Variants in CSMD1 observed in about 807,000 individuals in gnomAD.
CSMD1 encodes the protein CUB and Sushi multiple domains 1.
A neutral mutation model predicts 417.5 loss-of-function variants in CSMD1; 213 were observed. The ratio of observed to expected loss-of-function variants is 0.51; its 90% CI spans 0.46 to 0.57. The LOEUF (loss-of-function observed/expected upper bound fraction) is 0.57. Ranked by LOEUF, CSMD1 falls within the 20% of genes least tolerant of loss-of-function variation. The pLI, the probability that CSMD1 is intolerant of heterozygous loss-of-function variation, is 0.00. For missense variants in CSMD1, 6,923 were observed against 4,529.7 expected, an observed-to-expected ratio of 1.53 and a Z score of -15.17; for synonymous variants, 2,862 against 1,736.8, an observed-to-expected ratio of 1.65 and a Z score of -16.11.
chr8:4,633,149 G>C (rs1802623732), intron 2 of CSMD1, among the ~76,000 whole-genome samples: 1 of 152,180 alleles, frequency 6.6e-6, no homozygotes, highest in Non-Finnish European at 1.5e-5. Context: ...GAACGCTCAG[G>C]ACAGCCTGTG....
chr8:4,242,367 C>T (rs923314449), intron 3 of CSMD1, among the ~76,000 whole-genome samples: 8 of 152,000 alleles, frequency 5.3e-5, no homozygotes, highest in Non-Finnish European at 1.0e-4. Flanking sequence ...AATCAAAGAG[C>T]TGTAAATGAG....
chr8:3,625,752 T>G (rs1286349335), intron 7 of CSMD1, among the ~76,000 whole-genome samples: 1 of 152,294 alleles, frequency 6.6e-6, no homozygotes, highest in South Asian at 2.1e-4. Flanking sequence ...AGAGATCCTA[T>G]GATCTCAGTA....
intron 7 of CSMD1, among the ~76,000 whole-genome samples, chr8:3,658,834 T>A (rs1360521578): frequency 6.6e-6 from 1 of 152,202 alleles, no homozygotes; most frequent in Admixed American, 6.5e-5. Context: ...TGAATTATGG[T>A]TAATAACATT....
intron 1 of CSMD1, among the ~76,000 whole-genome samples, chr8:4,639,251 A>ATTTTT (rs34704649): frequency 4.6e-5 from 6 of 131,446 alleles, no homozygotes; most frequent in Non-Finnish European, 7.9e-5. Context: ...GTGGTTGTCA[A>ATTTTT]TTTTTTTTTT....
intron 5 of CSMD1, among the ~76,000 whole-genome samples, chr8:3,892,891 G>C (rs1289062867): frequency 6.6e-6 from 1 of 151,858 alleles, no homozygotes; most frequent in South Asian, 2.1e-4. Context: ...AGGATGGCAA[G>C]CGTTGATGTG....
At chr8:3,282,669 A>C (rs1238801381) in intron 26 of CSMD1, among the ~76,000 whole-genome samples, 1 of 152,194 alleles carries the variant, frequency 6.6e-6, no homozygotes, top group Non-Finnish European at 1.5e-5. Context: ...ACCATGTACA[A>C]GTACTATTCC....
At chr8:3,384,815 A>C (rs1815990721) in intron 18 of CSMD1, among the ~76,000 whole-genome samples, 1 of 123,440 alleles carries the variant, frequency 8.1e-6, no homozygotes, top group African/African-American at 3.1e-5. Context: ...ATATATAAAT[A>C]TATAATTAAA....
rs1030871053 is a variant in CSMD1 at position 3,519,865 on chromosome 8, T to C, written c.1345-26139A>G. 2.6e-5 allele frequency among the ~76,000 whole-genome samples: 4 copies of C among 152,086 alleles called. 1 individual carries two copies. Among genetic ancestry groups the C allele is most frequent in the South Asian group, 4.1e-4 (2 of 4,828 alleles). On this transcript the variant is annotated intron_variant, in intron 10 of 69. Transcript: ENST00000635120. ...CCATCCCATCAACCTCCCACTAAAATAGCAATTATTTTACTCAATTAATAC... is the reference window on the plus strand; with the variant it reads ...CCATCCCATCAACCTCCCACTAAAACAGCAATTATTTTACTCAATTAATAC...
chr8:4,302,765 G>C (rs1798045753), intron 3 of CSMD1, among the ~76,000 whole-genome samples: 1 of 152,144 alleles, frequency 6.6e-6, no homozygotes, highest in African/African-American at 2.4e-5. Flanking sequence ...CCCCAACTGA[G>C]TCCAGGTAGA....
rs148751958 is a variant in CSMD1 at position 3,640,948 on chromosome 8, C to T, written c.1010-24151G>A. ...TTTATTTGTGAGGGAAAGCAAAAGG[C>T]GACAAAATCGTATGTTAAATAAGCT... is the stretch of plus-strand genomic sequence containing the variant. On this transcript the variant is annotated intron_variant, in intron 7 of 69. Coordinates refer to ENST00000635120, the MANE Select transcript of CSMD1 (RefSeq NM_033225.6). Among the ~76,000 whole-genome samples, 12 of 150,142 alleles carry T rather than the reference C, an allele frequency of 8.0e-5. No homozygotes were observed. The East Asian group carries it at 1.4e-3, about 17-fold the overall frequency.
intron 23 of CSMD1, among the ~76,000 whole-genome samples, chr8:3,336,118 G>A (rs77673786): frequency 0.028 from 4,207 of 152,068 alleles, 198 homozygotes; most frequent in African/African-American, 0.096. Flanking sequence ...GGAACCATGG[G>A]CAGGTTTCTC....
chr8:4,599,934 G>A (rs924355802), intron 2 of CSMD1, among the ~76,000 whole-genome samples: 5 of 152,176 alleles, frequency 3.3e-5, no homozygotes, highest in Non-Finnish European at 5.9e-5. Context: ...ACCCAGGTAT[G>A]CATGGATCTG....
intron 5 of CSMD1, among the ~76,000 whole-genome samples, chr8:3,787,260 G>C (rs562500859): frequency 1.3e-5 from 2 of 152,138 alleles, no homozygotes; most frequent in African/African-American, 4.8e-5. Flanking sequence ...GAAAAAACTT[G>C]TGAGTTGTGA....
At chr8:4,159,811 C>G (rs560695717) in intron 3 of CSMD1, among the ~76,000 whole-genome samples, 7 of 152,164 alleles carry the variant, frequency 4.6e-5, no homozygotes, top group Non-Finnish European at 8.8e-5. Flanking sequence ...GATAGGGAGA[C>G]CATTATTCTA....
At chr8:3,847,275 T>TAAA in intron 5 of CSMD1, among the ~76,000 whole-genome samples, 1 of 152,286 alleles carries the variant, frequency 6.6e-6, no homozygotes, top group Non-Finnish European at 1.5e-5. Context: ...AGTTGATTTT[T>TAAA]AAGTTAATCC....
At chr8:3,744,108 G>A (rs1373022852) in intron 6 of CSMD1, among the ~76,000 whole-genome samples, 4 of 152,100 alleles carry the variant, frequency 2.6e-5, no homozygotes, top group African/African-American at 4.8e-5. Context: ...CTTCCCTTTG[G>A]CAAGTAAACC....
intron 23 of CSMD1, among the ~76,000 whole-genome samples, chr8:3,322,493 G>A (rs1032144774): frequency 2.0e-5 from 3 of 152,142 alleles, no homozygotes; most frequent in African/African-American, 7.2e-5. Flanking sequence ...TGCCTTAAGG[G>A]TTCTGGAAGT....
rs74776328 is a variant in CSMD1, at chr8:4,756,612, G to A, written c.86-119054C>T. On this transcript the variant is annotated intron_variant, in intron 1 of 69. Coordinates refer to ENST00000635120, the MANE Select transcript of CSMD1 (RefSeq NM_033225.6). ...GTTTTTGCAGATGTATCTTCACTTTGGCTCACTAATTGTCTCACTCCAGGA... is the reference window on the plus strand; with the variant it reads ...GTTTTTGCAGATGTATCTTCACTTTAGCTCACTAATTGTCTCACTCCAGGA... 8.7e-3 allele frequency among the ~76,000 whole-genome samples: 1,318 copies of A among 152,222 alleles called. 6 individuals are homozygous for A. The highest frequency in any genetic ancestry group is 0.014 in the South Asian group (68 of 4,818).
chr8:4,228,947 G>A (rs1370356661), intron 3 of CSMD1, among the ~76,000 whole-genome samples: 1 of 152,098 alleles, frequency 6.6e-6, no homozygotes, highest in Non-Finnish European at 1.5e-5. Context: ...GATTACAGGA[G>A]TGAGCCACTG....
Sources: gnomAD v4.1 joint callset for allele counts (sites outside exome capture counted in the v4.1 genomes callset) on GRCh38, gnomAD v4.1.1 for gene constraint, MANE v1.5 for transcripts, NCBI Gene and HGNC (gene_info 2026-07-23, HGNC 2026-07-21) for gene names.